Variants in CCBE1 observed in about 807,000 individuals in gnomAD.
CCBE1 encodes the protein collagen and calcium-binding EGF domain-containing protein 1.
In CCBE1, 37 loss-of-function variants were observed where a neutral mutation model predicts 50.0. The observed-to-expected ratio is 0.74, with a 90% confidence interval of 0.57 to 0.97. The LOEUF (loss-of-function observed/expected upper bound fraction) is 0.97. Among genes scored for constraint, CCBE1 ranks in the 50% least tolerant of loss-of-function variants. The probability of loss-of-function intolerance (pLI) is 0.00; values close to 1 mark genes in which losing one functional copy is unlikely to be tolerated. For synonymous variants in CCBE1, 234 were observed against 203.7 expected, an observed-to-expected ratio of 1.15 and a Z score of -1.27; for missense variants, 538 against 523.8, an observed-to-expected ratio of 1.03 and a Z score of -0.26.
chr18:59,449,871 A>T (rs1910851459), intron 6 of CCBE1, among the ~76,000 whole-genome samples: 1 of 152,078 alleles, frequency 6.6e-6, no homozygotes, highest in Non-Finnish European at 1.5e-5. Context: ...CCTCTTGAAA[A>T]AGTGACGAGG....
intron 2 of CCBE1, among the ~76,000 whole-genome samples, chr18:59,602,822 C>G (rs1234202455): frequency 6.6e-6 from 1 of 152,182 alleles, no homozygotes; most frequent in Non-Finnish European, 1.5e-5. Flanking sequence ...GCTATGCGCT[C>G]TGACAAAACT....
chr18:59,542,365 C>A (rs1053926577), intron 2 of CCBE1, among the ~76,000 whole-genome samples: 1 of 152,014 alleles, frequency 6.6e-6, no homozygotes. Flanking sequence ...TTTTTATGAA[C>A]ACGTGGCATG....
intron 2 of CCBE1, among the ~76,000 whole-genome samples, chr18:59,676,634 C>G (rs966085312): frequency 6.6e-6 from 1 of 152,114 alleles, no homozygotes; most frequent in African/African-American, 2.4e-5. Flanking sequence ...ACGGGGCATA[C>G]AAAAATGAGA....
Position 59,469,602 on chromosome 18 carries a change from C to T in CCBE1, c.271G>A (p.Asp91Asn), listed in dbSNP as rs750584132. Residue 91 changes from aspartate to asparagine, a missense_variant, in exon 4 of 11, where the codon GAC becomes AAC. By Grantham distance (23) the Asp-to-Asn change is conservative (BLOSUM62 1). Coordinates refer to ENST00000439986, the MANE Select transcript of CCBE1 (RefSeq NM_133459.4). ...VLGQCIPEDY[D>N]VCAEAPCEQQ... The stretch of plus-strand genomic sequence containing the variant: ...TCACAGGGAGCCTCGGCACAAACGT[C>T]GTAATCTGAAAAAGCAAAGTGAGAG... 3.4e-5 allele frequency: 55 copies of T among 1,613,938 alleles called. No individual in the cohort carries two copies. Among genetic ancestry groups the T allele is most frequent in the East Asian group, 8.9e-5 (4 of 44,890 alleles).
intron 4 of CCBE1, among the ~76,000 whole-genome samples, chr18:59,468,964 T>A (rs114334097): frequency 6.6e-6 from 1 of 151,310 alleles, no homozygotes; most frequent in Non-Finnish European, 1.5e-5. Flanking sequence ...CCTCAAGGAG[T>A]GCACGGCTGG....
intron 2 of CCBE1, among the ~76,000 whole-genome samples, chr18:59,614,897 T>A (rs2053617863): frequency 6.6e-6 from 1 of 152,264 alleles, no homozygotes; most frequent in Non-Finnish European, 1.5e-5. Flanking sequence ...CAATTCATTA[T>A]GTCCTCCCAC....
At chr18:59,635,884 G>T (rs572515295) in intron 2 of CCBE1, among the ~76,000 whole-genome samples, 23 of 152,306 alleles carry the variant, frequency 1.5e-4, no homozygotes, top group South Asian at 4.1e-4. Flanking sequence ...ATTCTAAGCT[G>T]CATGTGATAG....
intron 2 of CCBE1, among the ~76,000 whole-genome samples, chr18:59,624,812 A>G (rs933328833): frequency 6.6e-6 from 1 of 152,248 alleles, no homozygotes; most frequent in African/African-American, 2.4e-5. Flanking sequence ...ACCAAACCTC[A>G]GTTATCCCTG....
At chr18:59,661,550 G>A (rs1432810855) in intron 2 of CCBE1, among the ~76,000 whole-genome samples, 1 of 151,766 alleles carries the variant, frequency 6.6e-6, no homozygotes, top group Admixed American at 6.5e-5. Flanking sequence ...AACTGAGTTG[G>A]CAAATACTGA....
At chr18:59,438,272 A>C in intron 9 of CCBE1, 126 bp from the exon 10 acceptor site, 2 of 886,766 alleles carry the variant, frequency 2.3e-6, no homozygotes, top group African/African-American at 1.7e-5. Context: ...TAGAAAACAT[A>C]TGTAAAACTG....
chr18:59,484,409 C>A (rs977822967), intron 2 of CCBE1, among the ~76,000 whole-genome samples: 1 of 152,222 alleles, frequency 6.6e-6, no homozygotes, highest in African/African-American at 2.4e-5. Flanking sequence ...AACCTCTGAG[C>A]TGTTTGATGG....
At chr18:59,484,215 G>A (rs1032030336) in intron 2 of CCBE1, among the ~76,000 whole-genome samples, 14 of 152,262 alleles carry the variant, frequency 9.2e-5, no homozygotes, top group African/African-American at 2.9e-4. Context: ...ATTACTTGAG[G>A]CTGTCCTACA....
intron 2 of CCBE1, among the ~76,000 whole-genome samples, chr18:59,527,974 G>A (rs1914895144): frequency 6.6e-6 from 1 of 152,132 alleles, no homozygotes; most frequent in South Asian, 2.1e-4. Context: ...ATCTTCTCAT[G>A]GAGTATTTTA....
intron 2 of CCBE1, among the ~76,000 whole-genome samples, chr18:59,659,257 T>C (rs2054249889): frequency 6.6e-6 from 1 of 152,044 alleles, no homozygotes; most frequent in Non-Finnish European, 1.5e-5. Context: ...TTGAGGCATA[T>C]TCCATAAACA....
intron 2 of CCBE1, among the ~76,000 whole-genome samples, chr18:59,612,070 C>T (rs895940871): frequency 6.6e-6 from 1 of 152,140 alleles, no homozygotes; most frequent in Non-Finnish European, 1.5e-5. Flanking sequence ...AGCAGGAAGC[C>T]TACAGCATAG....
chr18:59,524,294 T>G (rs890529924), intron 2 of CCBE1, among the ~76,000 whole-genome samples: 2 of 152,180 alleles, frequency 1.3e-5, no homozygotes, highest in African/African-American at 4.8e-5. Context: ...CACTACAGCC[T>G]GGGTAACAGA....
chr18:59,615,502 A>G (rs1462094076), intron 2 of CCBE1, among the ~76,000 whole-genome samples: 4 of 35,336 alleles, frequency 1.1e-4, no homozygotes, highest in African/African-American at 5.9e-4. Context: ...ACTGTCGGAG[A>G]AAAAAAAAAA....
In CCBE1 at chr18:59,462,844, G is replaced by T. The variant is rs140327336; in HGVS notation, c.553+3895C>A. ...ACAGCTCACAGGAACCCACAGGTCT[G>T]CAGAACATCATGTGGGGAAATGCTG... On this transcript the variant is annotated intron_variant, in intron 5 of 10. Coordinates refer to ENST00000439986, the MANE Select transcript of CCBE1 (RefSeq NM_133459.4). 7.3e-3 allele frequency among the ~76,000 whole-genome samples: 1,117 copies of T among 152,336 alleles called. 15 individuals carry two copies. The highest frequency in any genetic ancestry group is 0.011 in the Non-Finnish European group (751 of 68,028).
chr18:59,484,722 G>T (rs1912731777), intron 2 of CCBE1, among the ~76,000 whole-genome samples: 1 of 152,130 alleles, frequency 6.6e-6, no homozygotes, highest in Non-Finnish European at 1.5e-5. Context: ...TTGCATAACT[G>T]ACCCCAGCTG....
Sources: allele counts gnomAD v4.1 joint callset (sites outside exome capture counted in the v4.1 genomes callset), GRCh38; gene constraint gnomAD v4.1.1; transcripts MANE v1.5; gene names NCBI Gene and HGNC (gene_info 2026-07-23, HGNC 2026-07-21).